The following ECPAS variants were observed in gnomAD, a reference collection of about 807,000 sequenced individuals.
ECPAS encodes Ecm29 proteasome adaptor and scaffold, also known as proteasome adapter and scaffold protein ECM29.
In ECPAS, 70 loss-of-function variants were observed where a neutral mutation model predicts 255.1. The observed-to-expected ratio is 0.27, with a 90% CI of 0.23 to 0.33. ECPAS has a LOEUF of 0.33. ECPAS is among the 10% of genes least tolerant of loss of function. The pLI is 1.00. For missense variants in ECPAS, 1,817 were observed against 2,206.4 expected (o/e 0.82, Z 3.54); for synonymous variants, 784 against 775.0 (o/e 1.01, Z -0.19).
At chr9:111,458,157 A>T (rs1354561133) in intron 2 of ECPAS, among the ~76,000 whole-genome samples, 1 of 152,208 alleles carries the variant, frequency 6.6e-6, no homozygotes, top group Non-Finnish European at 1.5e-5. Context: ...TCTCTCCGAG[A>T]GTCTAAGATA....
chr9:111,416,977 T>G (rs962493291), intron 17 of ECPAS, among the ~76,000 whole-genome samples: 1 of 152,180 alleles, frequency 6.6e-6, no homozygotes, highest in African/African-American at 2.4e-5. Context: ...GAACATGAAC[T>G]GTTCCCTGAA....
rs142094734 is a variant in ECPAS at position 111,386,255 on chromosome 9, C to T, written c.3527+122G>A. ...CTGGGATCACAGGTGTGAGCCACCA[C>T]GCCCGGCCAGCTTTTTAGTAGTTTT... On this transcript the variant is annotated intron_variant, in intron 32 of 49. Transcript: ENST00000684092. 745 of 710,036 alleles carry T rather than the reference C, an allele frequency of 1.0e-3. 2 individuals carry two copies. Among genetic ancestry groups the T allele is most frequent in the Non-Finnish European group, 1.6e-3 (655 of 408,244 alleles). The allele number at this position is 710,036 out of a possible 1,614,324, so 44.0% of individuals were successfully genotyped here. A position where few individuals can be genotyped will look rare whatever the true frequency, so the allele number is the denominator to read the frequency against.
chr9:111,386,576 G>A (rs906101157), intron 31 of ECPAS, 120 bp from the exon 32 acceptor site: 17 of 644,530 alleles, frequency 2.6e-5, no homozygotes, highest in African/African-American at 9.2e-5. Context: ...TATATTTTAC[G>A]GCCTCCATGT....
intron 2 of ECPAS, among the ~76,000 whole-genome samples, chr9:111,463,246 T>G (rs558953773): frequency 1.3e-5 from 2 of 152,228 alleles, no homozygotes; most frequent in African/African-American, 4.8e-5. Flanking sequence ...TCAATCCTTC[T>G]GGCTCAATTC....
chr9:111,467,233 GAAGAGATGAGAA>G (rs1463083271), intron 2 of ECPAS, among the ~76,000 whole-genome samples: 1 of 152,100 alleles, frequency 6.6e-6, no homozygotes, highest in East Asian at 1.9e-4. Context: ...TGAGAAAAAA[GAAGAGATGAGAA>G]AAGAGAAGAG....
In ECPAS at chr9:111,392,007, G is replaced by A. The variant is rs549403645; in HGVS notation, c.3093-183C>T. Reference sequence around the variant, plus strand: ...TATAATCCCAGCACTTTGGGAGGCCGAGGTGGGTGGATCACTAGGTCAGGA... The same window carrying A: ...TATAATCCCAGCACTTTGGGAGGCCAAGGTGGGTGGATCACTAGGTCAGGA... On this transcript the variant is annotated intron_variant, in intron 28 of 49. Coordinates refer to ENST00000684092, the MANE Select transcript of ECPAS (RefSeq NM_001364929.1). 1.4e-4 allele frequency among the ~76,000 whole-genome samples: 22 copies of A among 152,300 alleles called. 1 individual carries two copies. The South Asian group carries it at 3.7e-3, about 26-fold the overall frequency.
At position 111,389,860 on chromosome 9, in the gene ECPAS, T is replaced by C. The variant is rs1196949029; in HGVS notation, c.3279+124A>G. The C allele has an allele frequency of 3.5e-6, 4 of 1,141,000 alleles. No individual in the cohort carries two copies. In the East Asian group the frequency reaches 7.8e-5, roughly 22 times the overall value. The allele number at this position is 1,141,000 out of a possible 1,614,324, so 70.7% of individuals were successfully genotyped here. A position where few individuals can be genotyped will look rare whatever the true frequency, so the allele number is the denominator to read the frequency against. ...TTCCAATCAACAGCATTTGTGGGGT[T>C]CAGCTTTCTCATCAGGCACAGACTT... is the stretch of plus-strand genomic sequence containing the variant. On this transcript the variant is annotated intron_variant, in intron 30 of 49. Coordinates refer to ENST00000684092, the MANE Select transcript of ECPAS (RefSeq NM_001364929.1).
rs1049785688 is a variant in ECPAS, at chr9:111,424,484, A to C, written c.1215+934T>G. 7.7e-4 allele frequency among the ~76,000 whole-genome samples: 117 copies of C among 152,238 alleles called. 6 individuals carry two copies. The highest frequency in any genetic ancestry group is 1.5e-5 in the Non-Finnish European group (1 of 68,046). ...TTCATGTTTAGCTTAGACTGGGGAA[A>C]ATAATGCTAATGAATTCTTGAAATA... is the stretch of plus-strand genomic sequence containing the variant. On this transcript the variant is annotated intron_variant, in intron 12 of 49. Transcript: ENST00000684092.
intron 35 of ECPAS, among the ~76,000 whole-genome samples, chr9:111,382,440 G>A (rs924028368): frequency 1.3e-4 from 20 of 151,298 alleles, no homozygotes; most frequent in African/African-American, 4.4e-4. Context: ...AATTTTTTTT[G>A]TATTTTTAGT....
chr9:111,386,120 G>A (rs2098148007), intron 32 of ECPAS, among the ~76,000 whole-genome samples: 1 of 151,948 alleles, frequency 6.6e-6, no homozygotes, highest in Admixed American at 6.6e-5. Context: ...CATGCCACTG[G>A]GCCCAGCTGA....
chr9:111,468,496 C>T (rs2098282170), intron 2 of ECPAS, among the ~76,000 whole-genome samples: 1 of 151,854 alleles, frequency 6.6e-6, no homozygotes, highest in African/African-American at 2.4e-5. Context: ...GCAGTTACTG[C>T]CGAGAGAAGG....
chr9:111,467,779 T>C (rs959764802), intron 2 of ECPAS, among the ~76,000 whole-genome samples: 2 of 152,182 alleles, frequency 1.3e-5, no homozygotes, highest in African/African-American at 4.8e-5. Context: ...GTATATAAAA[T>C]ACATCACAGT....
rs372260026 is a variant in ECPAS at position 111,444,440 on chromosome 9, G to C, written c.208C>G (p.Gln70Glu). Reference sequence around the variant, plus strand: ...ACCAACAGTGTCTCTACTGGAAGTTGTATTTTGGGGCGGCTTTTTATACGT... The same window carrying C: ...ACCAACAGTGTCTCTACTGGAAGTTCTATTTTGGGGCGGCTTTTTATACGT... ...NKRIKSRPKIQLPVETLLVQY... is the reference protein window; with the variant it reads ...NKRIKSRPKIELPVETLLVQY... The change falls in exon 4 of 50, where the codon CAA becomes GAA. Residue 70 changes from glutamine to glutamate, a missense_variant. Gln to Glu is a conservative substitution (Grantham distance 29). Coordinates refer to ENST00000684092, the MANE Select transcript of ECPAS (RefSeq NM_001364929.1). 3 of 1,613,930 alleles carry C rather than the reference G, an allele frequency of 1.9e-6. No homozygotes were observed.
intron 2 of ECPAS, among the ~76,000 whole-genome samples, chr9:111,455,487 A>AAAAG (rs763092268): frequency 6.6e-6 from 1 of 152,160 alleles, no homozygotes; most frequent in Non-Finnish European, 1.5e-5. Flanking sequence ...CTGTCTCAGA[A>AAAAG]AAAGAAAGAA....
At chr9:111,375,808 T>C (rs928113579) in intron 37 of ECPAS, among the ~76,000 whole-genome samples, 4 of 152,224 alleles carry the variant, frequency 2.6e-5, no homozygotes, top group Admixed American at 6.5e-5. Context: ...GCTACTTCTC[T>C]TCACCAGTTT....
chr9:111,415,470 C>G (rs1564529629), intron 18 of ECPAS, among the ~76,000 whole-genome samples: 1 of 151,998 alleles, frequency 6.6e-6, no homozygotes, highest in Non-Finnish European at 1.5e-5. Context: ...GAGGCTGAGG[C>G]AGGAGGACTG....
intron 7 of ECPAS, among the ~76,000 whole-genome samples, chr9:111,435,023 C>A (rs1278585899): frequency 1.3e-5 from 2 of 150,796 alleles, no homozygotes; most frequent in Non-Finnish European, 2.9e-5. Context: ...CTCAGCTTCC[C>A]AAGTAGCTAG....
chr9:111,361,901 T>C lies in ECPAS; in HGVS notation c.*129A>G. On this transcript the variant is annotated 3_prime_UTR_variant, in exon 50 of 50. Transcript: ENST00000684092. ...AGGAACAAAATTTAAGGCTTTTTCT[T>C]TTTATTTCAGCCAAGGAATGATGCA... 8.8e-7 allele frequency: 1 copy of C among 1,136,448 alleles called. No homozygotes were observed. Among genetic ancestry groups the C allele is most frequent in the South Asian group, 2.1e-5 (1 of 48,668 alleles). 70.4% of individuals were successfully genotyped at this position (1,136,448 alleles called of 1,614,324 possible). A position where few individuals can be genotyped will look rare whatever the true frequency, so the allele number is the denominator to read the frequency against.
At chr9:111,475,974 G>A (rs549169062) in intron 1 of ECPAS, among the ~76,000 whole-genome samples, 2 of 152,260 alleles carry the variant, frequency 1.3e-5, no homozygotes, top group African/African-American at 4.8e-5. Flanking sequence ...ACAGAATCAT[G>A]TTCAACACAC....
Sources: allele counts gnomAD v4.1 joint callset (sites outside exome capture counted in the v4.1 genomes callset), GRCh38; gene constraint gnomAD v4.1.1; transcripts MANE v1.5; gene names NCBI Gene and HGNC (gene_info 2026-07-23, HGNC 2026-07-21).